Variants in RASA3 observed in about 807,000 individuals in gnomAD.
RASA3 encodes the protein ras GTPase-activating protein 3.
RASA3 carries 73 observed loss-of-function variants against 110.0 expected under a neutral mutation model. The ratio of observed to expected loss-of-function variants is 0.66; its 90% CI spans 0.55 to 0.81. The LOEUF (loss-of-function observed/expected upper bound fraction) is 0.81. Among genes scored for constraint, RASA3 ranks in the 30% least tolerant of loss-of-function variants. The pLI, the probability that RASA3 is intolerant of heterozygous loss-of-function variation, is 0.00. For missense variants in RASA3, 976 were observed against 1,113.2 expected (o/e 0.88, Z 1.75); for synonymous variants, 500 against 451.4 (o/e 1.11, Z -1.37).
At chr13:114,081,161 G>T (rs1425800060) in intron 1 of RASA3, among the ~76,000 whole-genome samples, 1 of 142,752 alleles carries the variant, frequency 7.0e-6, no homozygotes, top group Non-Finnish European at 1.5e-5. Context: ...CACGCTCCTG[G>T]TGCAAATGAC....
In RASA3 at chr13:114,109,948, C is replaced by T. The variant is rs528444985; in HGVS notation, c.55+22487G>A. On this transcript the variant is annotated intron_variant, in intron 1 of 23. Coordinates refer to ENST00000334062, the MANE Select transcript of RASA3 (RefSeq NM_007368.4). ...AACTTCCCGGTGAACGTCCCGTCTC[C>T]TCAGCCACCCACAGATGCTGCCACA... is the stretch of plus-strand genomic sequence containing the variant. Among the ~76,000 whole-genome samples, 17 of 152,214 alleles carry T rather than the reference C, an allele frequency of 1.1e-4. No homozygotes were observed. In the South Asian group the frequency reaches 3.2e-3, roughly 28 times the overall value.
intron 1 of RASA3, among the ~76,000 whole-genome samples, chr13:114,079,270 G>C (rs1231289759): frequency 6.6e-6 from 1 of 152,160 alleles, no homozygotes; most frequent in Non-Finnish European, 1.5e-5. Flanking sequence ...CTCAACTACA[G>C]GTCGGCCTCA....
chr13:114,109,722 C>T (rs2080190081), intron 1 of RASA3, among the ~76,000 whole-genome samples: 1 of 152,230 alleles, frequency 6.6e-6, no homozygotes. Context: ...AGACCAGGCC[C>T]TCGAGCCTCC....
intron 7 of RASA3, 132 bp from the exon 8 acceptor site, chr13:114,024,487 C>A: frequency 1.3e-6 from 1 of 794,888 alleles, no homozygotes; most frequent in Non-Finnish European, 2.1e-6. Context: ...ACCAGGAAGG[C>A]GCCAGGCGGG....
At chr13:114,082,494 G>A (rs140802792) in intron 1 of RASA3, among the ~76,000 whole-genome samples, 210 of 152,334 alleles carry the variant, frequency 1.4e-3, no homozygotes, top group African/African-American at 4.2e-3. Context: ...CCTGTGCTCC[G>A]AGGCTCCGAG....
At chr13:114,013,792 C>G (rs1314850570) in intron 14 of RASA3, among the ~76,000 whole-genome samples, 1 of 149,446 alleles carries the variant, frequency 6.7e-6, no homozygotes, top group African/African-American at 2.5e-5. Context: ...CTGTCTCTCT[C>G]CCTAACTCCA....
intron 20 of RASA3, among the ~76,000 whole-genome samples, chr13:113,998,926 C>T (rs564041477): frequency 1.5e-4 from 23 of 152,322 alleles, no homozygotes; most frequent in Admixed American, 3.3e-4. Context: ...GTCGCGCCGG[C>T]GACGTGCGAT....
chr13:114,019,195 C>T (rs976340589), intron 9 of RASA3, among the ~76,000 whole-genome samples: 20 of 152,302 alleles, frequency 1.3e-4, no homozygotes, highest in Middle Eastern at 3.4e-3. Flanking sequence ...AACGGGTTTC[C>T]GGGAACCGGC....
intron 14 of RASA3, among the ~76,000 whole-genome samples, chr13:114,013,483 ATCTCTG>A (rs2053690863): frequency 1.1e-5 from 1 of 87,762 alleles, no homozygotes; most frequent in East Asian, 3.5e-4. Context: ...CTCTCTCCGT[ATCTCTG>A]TCTCTCTCTC....
chr13:114,035,379 C>T (rs1415876165), intron 4 of RASA3, among the ~76,000 whole-genome samples: 2 of 152,212 alleles, frequency 1.3e-5, no homozygotes, highest in African/African-American at 4.8e-5. Context: ...GCAAAGGGGC[C>T]CCAGCGTCCA....
chr13:114,000,142 GTCTCTGTTGGGGGT>G (rs1340410679), intron 19 of RASA3, among the ~76,000 whole-genome samples: 1 of 113,870 alleles, frequency 8.8e-6, no homozygotes, highest in Non-Finnish European at 1.8e-5. Context: ...GCTGGGGGGG[GTCTCTGTTGGGGGT>G]GTCTCTGCTG....
intron 1 of RASA3, among the ~76,000 whole-genome samples, chr13:114,082,676 C>T (rs1435988808): frequency 6.6e-6 from 1 of 152,194 alleles, no homozygotes; most frequent in African/African-American, 2.4e-5. Flanking sequence ...AAACAACTTT[C>T]CTTAACCCAA....
chr13:114,121,895 G>A (rs967049693), intron 1 of RASA3, among the ~76,000 whole-genome samples: 20 of 152,326 alleles, frequency 1.3e-4, no homozygotes, highest in Middle Eastern at 6.8e-3. Context: ...CCATGCAGCC[G>A]GGCTAGCAGG....
chr13:114,105,530 C>A (rs72659567), intron 1 of RASA3, among the ~76,000 whole-genome samples: 2 of 152,070 alleles, frequency 1.3e-5, no homozygotes, highest in Non-Finnish European at 2.9e-5. Flanking sequence ...TCCTCCAGCA[C>A]GGGGACAGGG....
chr13:113,992,787 G>A (rs138174815), intron 21 of RASA3, among the ~76,000 whole-genome samples, 199 bp from the exon 22 acceptor site: 1 of 152,354 alleles, frequency 6.6e-6, no homozygotes, highest in East Asian at 1.9e-4. Flanking sequence ...GTCCACAGCA[G>A]CACGGACAGC....
intron 3 of RASA3, among the ~76,000 whole-genome samples, chr13:114,051,197 G>C (rs1050956711): frequency 6.6e-6 from 1 of 152,162 alleles, no homozygotes; most frequent in African/African-American, 2.4e-5. Context: ...TCAGCATCCC[G>C]GCAGCCATGA....
In RASA3 at chr13:114,126,652, A is replaced by G. The variant is rs78552323; in HGVS notation, c.55+5783T>C. On this transcript the variant is annotated intron_variant, in intron 1 of 23. Coordinates refer to ENST00000334062, the MANE Select transcript of RASA3 (RefSeq NM_007368.4). ...AAAGTGTAGCTCTTTTTCAAATTAT[A>G]TATTTGCTTACATAGAAGTCCAGTT... 3.6e-3 allele frequency among the ~76,000 whole-genome samples: 547 copies of G among 152,300 alleles called. 2 individuals are homozygous for G. The highest frequency in any genetic ancestry group is 0.012 in the African/African-American group (486 of 41,562).
At chr13:113,992,698 G>A in intron 21 of RASA3, 110 bp from the exon 22 acceptor site, 1 of 886,118 alleles carries the variant, frequency 1.1e-6, no homozygotes, top group African/African-American at 1.7e-5. Context: ...GATTGTGTTG[G>A]AAGTGAAATT....
chr13:114,009,551 C>T, intron 16 of RASA3, 87 bp from the exon 17 acceptor site: 1 of 906,848 alleles, frequency 1.1e-6, no homozygotes, highest in Non-Finnish European at 1.8e-6. Flanking sequence ...CAAGAACTGT[C>T]CAAGCCTAAA....
Sources: allele counts gnomAD v4.1 joint callset (sites outside exome capture counted in the v4.1 genomes callset), GRCh38; gene constraint gnomAD v4.1.1; transcripts MANE v1.5; gene names NCBI Gene and HGNC (gene_info 2026-07-23, HGNC 2026-07-21).